The following TYK2 variants were observed in gnomAD, a reference collection of about 807,000 sequenced individuals.
TYK2 encodes tyrosine kinase 2.
TYK2 carries 65 observed loss-of-function variants against 130.9 expected under a neutral mutation model. The ratio of observed to expected loss-of-function variants is 0.50; its 90% CI spans 0.41 to 0.61. The LOEUF (loss-of-function observed/expected upper bound fraction) is 0.61, where lower values mean the gene tolerates loss of function less well. TYK2 is among the 20% of genes least tolerant of loss of function. The probability of loss-of-function intolerance (pLI) is 0.00; values close to 1 mark genes in which losing one functional copy is unlikely to be tolerated. For synonymous variants in TYK2, 647 were observed against 658.9 expected, an observed-to-expected ratio of 0.98 and a Z score of 0.28; for missense variants, 1,378 against 1,610.7, an observed-to-expected ratio of 0.86 and a Z score of 2.47.
In TYK2 at chr19:10,364,502, T is replaced by G; in HGVS notation, c.1367+112A>C. ...GCACTCCAGTTTGGGCGACAAAAAA[T>G]AAAAAAAAAATAAGACGTGCACCTA... On this transcript the variant is annotated intron_variant, in intron 9 of 24. Transcript: ENST00000525621. This position sits in a 1 kb window ranked among gnomAD's most constrained non-coding sequence, Gnocchi z 4.9. 8.4e-7 allele frequency: 1 copy of G among 1,183,656 alleles called. No homozygotes were observed. Among genetic ancestry groups the G allele is most frequent in the Non-Finnish European group, 1.2e-6 (1 of 848,964 alleles). 73.3% of individuals were successfully genotyped at this position (1,183,656 alleles called of 1,614,324 possible).
At chr19:10,357,246 G>A (rs905716674) in intron 17 of TYK2, 22 of 518,970 alleles carry the variant, frequency 4.2e-5, no homozygotes, top group Admixed American at 1.7e-4. Flanking sequence ...AAAATTAGCC[G>A]GGTGTGGTGG....
In TYK2 at chr19:10,354,145, G is replaced by A. The variant is rs1053309682; in HGVS notation, c.2805C>T (p.Asp935=). ...AGCCCGAGCGGTGCTGGGGGCCGCA[G>A]TCTGCCTTGAGGGCTTTCACCGCCA... The part of the protein sequence containing the change: ...EMVAVKALKA[D]CGPQHRSGWK... Residue 935 remains aspartate (D), a synonymous_variant, in exon 20 of 25, where the codon GAC becomes GAT. Transcript: ENST00000525621. 1 of 1,613,952 alleles carries A rather than the reference G, an allele frequency of 6.2e-7. No individual in the cohort carries two copies. The highest frequency in any genetic ancestry group is 1.3e-5 in the African/African-American group (1 of 74,948).
At position 10,356,344 on chromosome 19, in the gene TYK2, G is replaced by A. The variant is rs548179425; in HGVS notation, c.2617+224C>T. 2.5e-3 allele frequency among the ~76,000 whole-genome samples: 384 copies of A among 152,232 alleles called. 3 individuals are homozygous for A. Among genetic ancestry groups the A allele is most frequent in the African/African-American group, 8.5e-3 (353 of 41,534 alleles). ...CAGTGAGCCAAGATCACGTCACTGC[G>A]CTCCAGGCTGGGTGACAGAGCAAGA... On this transcript the variant is annotated intron_variant, in intron 18 of 24. Coordinates refer to ENST00000525621, the MANE Select transcript of TYK2 (RefSeq NM_003331.5).
intron 19 of TYK2, 74 bp downstream of exon 19, chr19:10,354,438 T>C: frequency 6.8e-7 from 1 of 1,471,056 alleles, no homozygotes; most frequent in Non-Finnish European, 9.5e-7. Flanking sequence ...TCACCTTAGG[T>C]AGGAATTTAT....
At chr19:10,354,667 A>G in intron 18 of TYK2, 58 bp from the exon 19 acceptor site, 1 of 1,457,024 alleles carries the variant, frequency 6.9e-7, no homozygotes, top group Non-Finnish European at 9.6e-7. Context: ...GCAGGCCCAC[A>G]CTTGGGAGTC....
chr19:10,350,670 A>G lies in TYK2; in HGVS notation c.*164T>C. ...TCATGGTTAGGCTCACGGCCAAGAA[A>G]GAAAAATAAGTTCACAGAGGTGGGG... On this transcript the variant is annotated 3_prime_UTR_variant, in exon 25 of 25. Coordinates refer to ENST00000525621, the MANE Select transcript of TYK2 (RefSeq NM_003331.5). 1 of 804,108 alleles carries G rather than the reference A, an allele frequency of 1.2e-6. No individual in the cohort carries two copies. Among genetic ancestry groups the G allele is most frequent in the South Asian group, 1.8e-5 (1 of 56,578 alleles). The allele number at this position is 804,108 out of a possible 1,614,324, so 49.8% of individuals were successfully genotyped here.
At position 10,368,315 on chromosome 19, in the gene TYK2, C is replaced by G; in HGVS notation, c.297G>C (p.Leu99=). The part of the protein sequence containing the change: ...HILEIPRDAS[L]MLYFRIRFYF... ...CCCACCTTATGCGGAAATATAGCATCAGGCTTGCATCTCTGGGGATCTCTA... is the reference window on the plus strand; with the variant it reads ...CCCACCTTATGCGGAAATATAGCATGAGGCTTGCATCTCTGGGGATCTCTA... Residue 99 remains leucine (L), a synonymous_variant, in exon 4 of 25, where the codon CTG becomes CTC. Transcript: ENST00000525621. 1 of 1,614,190 alleles carries G rather than the reference C, an allele frequency of 6.2e-7. No individual in the cohort carries two copies. The highest frequency in any genetic ancestry group is 8.5e-7 in the Non-Finnish European group (1 of 1,180,040).
chr19:10,367,919 C>CA (rs34301809), intron 5 of TYK2, 136 bp downstream of exon 5: 19,042 of 872,582 alleles, frequency 0.022, 1 homozygote, highest in Non-Finnish European at 0.024. Context: ...GACTCCGTCT[C>CA]AAAAAAAAAA....
Position 10,365,800 on chromosome 19 carries a change from C to T in TYK2, c.728G>A (p.Arg243Gln), listed in dbSNP as rs577896346. The change falls in exon 7 of 25, where the codon CGG becomes CAG. Residue 243 changes from arginine (R) to glutamine (Q), a missense_variant. Arg to Gln is a conservative substitution (Grantham distance 43). Coordinates refer to ENST00000525621, the MANE Select transcript of TYK2 (RefSeq NM_003331.5). ...RLRNVFRRFL[R>Q]DFQPGRLSQQ... Reference sequence around the variant, plus strand: ...GGAGAGTCGGCCCGGCTGGAAGTCCCGCAGGAACCTGCGGAAGACGTTCCG... The same window carrying T: ...GGAGAGTCGGCCCGGCTGGAAGTCCTGCAGGAACCTGCGGAAGACGTTCCG... 6.2e-6 allele frequency: 10 copies of T among 1,612,148 alleles called. No individual in the cohort carries two copies. The highest frequency in any genetic ancestry group is 3.3e-5 in the South Asian group (3 of 91,022).
In TYK2 at chr19:10,353,789, G is replaced by A. The variant is rs533669041; in HGVS notation, c.2909-143C>T. 46 of 691,744 alleles carry A rather than the reference G, an allele frequency of 6.6e-5. No individual in the cohort carries two copies. The African/African-American group carries it at 7.5e-4, about 11-fold the overall frequency. 42.9% of individuals were successfully genotyped at this position (691,744 alleles called of 1,614,324 possible). ...CTAGACCCAGTTCTCAGGTGGGATG[G>A]ACCCATCCAGAACCCCATTCTCACT... is the stretch of plus-strand genomic sequence containing the variant. On this transcript the variant is annotated intron_variant, in intron 20 of 24. Transcript: ENST00000525621. The surrounding 1 kb of genome is among the most constrained non-coding windows in gnomAD (Gnocchi z 6.9).
At chr19:10,362,710 A>G in intron 9 of TYK2, 53 bp from the exon 10 acceptor site, 1 of 1,474,942 alleles carries the variant, frequency 6.8e-7, no homozygotes. Flanking sequence ...CTCTGGACCC[A>G]TACCCGGGAA....
At chr19:10,378,597 G>A (rs1271999403) in intron 2 of TYK2, 171 bp from the exon 3 acceptor site, 1 of 617,538 alleles carries the variant, frequency 1.6e-6, no homozygotes, top group Non-Finnish European at 2.9e-6. Flanking sequence ...CACATTTATT[G>A]GACAGGGTTG....
rs12720276 is a variant in TYK2 at position 10,361,881 on chromosome 19, A to C, written c.1848T>G (p.Pro616=). ...GRLRVEGSGD[P]EEGKMDDEDP... is the part of the protein sequence containing the mutation. ...CCTCGTCATCCATCTTGCCCTCCTC[A>C]GGGTCCCCGCTGCCCTCCACTCGCA... The change falls in exon 13 of 25, where the codon CCT becomes CCG. Residue 616 remains proline (P), a synonymous_variant. Coordinates refer to ENST00000525621, the MANE Select transcript of TYK2 (RefSeq NM_003331.5). This position sits in a 1 kb window ranked among gnomAD's most constrained non-coding sequence, Gnocchi z 4.0. 4.5e-3 allele frequency: 7,258 copies of C among 1,613,912 alleles called. 298 individuals are homozygous for C. In the African/African-American group the frequency reaches 0.087, roughly 19 times the overall value.
chr19:10,356,792 A>G, intron 17 of TYK2, 74 bp from the exon 18 acceptor site: 7 of 1,500,568 alleles, frequency 4.7e-6, no homozygotes, highest in Non-Finnish European at 6.3e-6. Context: ...GGCAGAGTCA[A>G]GTCCCCAGAG....
intron 17 of TYK2, 108 bp downstream of exon 17, chr19:10,357,656 T>TG: frequency 6.8e-7 from 1 of 1,475,488 alleles, no homozygotes; most frequent in Non-Finnish European, 9.2e-7. Context: ...CAGAGAGACT[T>TG]GAAGTCACGA....
At chr19:10,372,013 C>T (rs1369239602) in intron 3 of TYK2, among the ~76,000 whole-genome samples, 4 of 151,226 alleles carry the variant, frequency 2.6e-5, no homozygotes, top group South Asian at 4.2e-4. Flanking sequence ...TTTTTTGAGA[C>T]GGAGTCTCGA....
chr19:10,362,808 G>A, intron 9 of TYK2, 151 bp from the exon 10 acceptor site: 1 of 670,904 alleles, frequency 1.5e-6, no homozygotes, highest in Non-Finnish European at 2.7e-6. Flanking sequence ...ACTAACTCTG[G>A]ACACACAGCC....
At chr19:10,368,673 G>A (rs1210726229) in intron 3 of TYK2, 10 of 491,524 alleles carry the variant, frequency 2.0e-5, no homozygotes, top group Admixed American at 6.6e-5. Flanking sequence ...CTGGCCAAAG[G>A]GCTGGGTACA....
At chr19:10,373,144 C>A (rs967606449) in intron 3 of TYK2, among the ~76,000 whole-genome samples, 6 of 149,940 alleles carry the variant, frequency 4.0e-5, no homozygotes, top group Non-Finnish European at 8.9e-5. Context: ...TCAAGCGATT[C>A]TCCTGCCTCA....
Sources: gnomAD v4.1 joint callset for allele counts (sites outside exome capture counted in the v4.1 genomes callset) on GRCh38, gnomAD v4.1.1 for gene constraint, Gnocchi (gnomAD v3.1) non-coding constraint, MANE v1.5 for transcripts, NCBI Gene and HGNC (gene_info 2026-07-23, HGNC 2026-07-21) for gene names.